Variants in USP33 observed in about 807,000 individuals in gnomAD.
USP33 encodes ubiquitin specific peptidase 33.
Under a neutral mutation model 124.2 loss-of-function variants are expected in USP33, and 46 were observed. That is an observed-to-expected ratio of 0.37 (90% CI 0.29 to 0.47). The LOEUF (loss-of-function observed/expected upper bound fraction) is 0.47, where lower values mean the gene tolerates loss of function less well. USP33 is among the 20% of genes least tolerant of loss of function. The probability of loss-of-function intolerance (pLI) is 0.99; values close to 1 mark genes in which losing one functional copy is unlikely to be tolerated. For missense variants in USP33, 851 were observed against 1,070.6 expected, an observed-to-expected ratio of 0.79 and a Z score of 2.86; for synonymous variants, 350 against 352.3, an observed-to-expected ratio of 0.99 and a Z score of 0.07.
Position 77,728,499 on chromosome 1 carries a change from C to T in USP33, c.931G>A (p.Asp311Asn), listed in dbSNP as rs1484824549. 1 of 1,614,072 alleles carries T rather than the reference C, an allele frequency of 6.2e-7. No individual in the cohort carries two copies. Among genetic ancestry groups the T allele is most frequent in the South Asian group, 1.1e-5 (1 of 91,082 alleles). Residue 311 changes from aspartate to asparagine, a missense_variant, in exon 10 of 24, where the codon GAT (aspartate) becomes AAT (asparagine). Physicochemically the swap from Asp to Asn is conservative, Grantham distance 23 (BLOSUM62 1). Around this residue, in one of 4 missense-constraint regions of USP33, gnomAD observed 207 missense variants for 200.9 expected, o/e 1.03. Coordinates refer to ENST00000370794, the MANE Select transcript of USP33 (RefSeq NM_201624.3). ...ATTAACATTGTTGTTTCATTATTAT[C>T]TTCAGAAAAGCATCTAGAGCCATTT... The part of the protein sequence containing the change: ...NENGSRCFSE[D>N]NNETTMLIQD...
At chr1:77,743,833 T>C (rs1378625821) in intron 1 of USP33, among the ~76,000 whole-genome samples, 1 of 152,126 alleles carries the variant, frequency 6.6e-6, no homozygotes, top group Admixed American at 6.5e-5. Flanking sequence ...GTTCTGTCTT[T>C]AAAAAGTTCA....
intron 1 of USP33, 22 bp from the exon 2 acceptor site, chr1:77,741,770 CA>C (rs1557862838): frequency 2.0e-6 from 3 of 1,500,070 alleles, no homozygotes; most frequent in East Asian, 2.4e-5. Context: ...GTAACACACA[CA>C]AAAAAATTAA....
intron 21 of USP33, among the ~76,000 whole-genome samples, chr1:77,709,288 C>T (rs1027996271): frequency 3.9e-5 from 6 of 152,072 alleles, no homozygotes; most frequent in African/African-American, 1.2e-4. Context: ...GCAGGAAAAT[C>T]ACTTGAGGCC....
chr1:77,747,067 C>A (rs1679814384), intron 1 of USP33, among the ~76,000 whole-genome samples: 1 of 151,988 alleles, frequency 6.6e-6, no homozygotes, highest in African/African-American at 2.4e-5. Context: ...TAAAATTAAT[C>A]CTCTATCCTC....
At chr1:77,708,323 C>G (rs1052873062) in intron 21 of USP33, among the ~76,000 whole-genome samples, 2 of 152,184 alleles carry the variant, frequency 1.3e-5, no homozygotes, top group Admixed American at 1.3e-4. Flanking sequence ...ATTTTCCCCT[C>G]TGGTGGCAGC....
At chr1:77,720,949 T>A (rs1186298444) in intron 15 of USP33, among the ~76,000 whole-genome samples, 2 of 152,184 alleles carry the variant, frequency 1.3e-5, no homozygotes, top group African/African-American at 4.8e-5. Flanking sequence ...ACAGATTTCA[T>A]CCCTCAAAAT....
chr1:77,710,636 G>C (rs1289098635), intron 21 of USP33, among the ~76,000 whole-genome samples: 8 of 152,154 alleles, frequency 5.3e-5, no homozygotes, highest in Non-Finnish European at 1.0e-4. Context: ...AATCAATGAG[G>C]AAAAGCAGGT....
chr1:77,759,578 C>CCGGA (rs1681134504), intron 1 of USP33, 65 bp downstream of exon 1: 1 of 398,052 alleles, frequency 2.5e-6, no homozygotes, highest in Non-Finnish European at 4.4e-6. Context: ...AGAACAGAGA[C>CCGGA]CGGACCCCGG....
At chr1:77,698,953 A>G (rs936358327) in intron 22 of USP33, among the ~76,000 whole-genome samples, 1 of 152,222 alleles carries the variant, frequency 6.6e-6, no homozygotes, top group Non-Finnish European at 1.5e-5. Context: ...AAAGCATTAT[A>G]AAAGAAACCG....
At position 77,718,162 on chromosome 1, in the gene USP33, C is replaced by T. The variant is rs561697316; in HGVS notation, c.1738-115G>A. On this transcript the variant is annotated intron_variant, in intron 16 of 23. Coordinates refer to ENST00000370794, the MANE Select transcript of USP33 (RefSeq NM_201624.3). ...CAAGCAAGAAACTGAGGTGTTCAATCAAATTACAATTATGAAGTTATTTAG... is the reference window on the plus strand; with the variant it reads ...CAAGCAAGAAACTGAGGTGTTCAATTAAATTACAATTATGAAGTTATTTAG... 3 of 879,568 alleles carry T rather than the reference C, an allele frequency of 3.4e-6. No homozygotes were observed. The Admixed American group carries it at 9.1e-5, about 27-fold the overall frequency. 54.5% of individuals were successfully genotyped at this position (879,568 alleles called of 1,614,324 possible).
chr1:77,740,976 T>A (rs1276044016), intron 3 of USP33, 37 bp from the exon 4 acceptor site: 3 of 1,342,266 alleles, frequency 2.2e-6, no homozygotes, highest in Non-Finnish European at 3.1e-6. Flanking sequence ...ATAAGGTACT[T>A]TATAATATAC....
In USP33 at chr1:77,749,890, T is replaced by A. The variant is rs147181870; in HGVS notation, c.-51-8142A>T. Reference sequence around the variant, plus strand: ...GAAAAGAAACTTCCAAGATAAATATTTTTTTCTAAAATCTCAAGCAAAAAA... The same window carrying A: ...GAAAAGAAACTTCCAAGATAAATATATTTTTCTAAAATCTCAAGCAAAAAA... On this transcript the variant is annotated intron_variant, in intron 1 of 23. Coordinates refer to ENST00000370794, the MANE Select transcript of USP33 (RefSeq NM_201624.3). Among the ~76,000 whole-genome samples, 222 of 152,230 alleles carry A rather than the reference T, an allele frequency of 1.5e-3. 2 individuals are homozygous for A. The highest frequency in any genetic ancestry group is 5.1e-3 in the African/African-American group (212 of 41,552).
rs1677399890 is a variant in USP33 at position 77,728,372 on chromosome 1, T to A, written c.1058A>T (p.Asp353Val). Residue 353 changes from aspartate (D) to valine (V), a missense_variant, in exon 10 of 24, where the codon GAT becomes GTT. Physicochemically the swap from Asp to Val is radical, Grantham distance 152. Coordinates refer to ENST00000370794, the MANE Select transcript of USP33 (RefSeq NM_201624.3). Reference sequence around the variant, plus strand: ...GACTGTTTCAGATATAGAGTCTCTATCTTTATCAAATTCGCCTTCAGAATT... The same window carrying A: ...GACTGTTTCAGATATAGAGTCTCTAACTTTATCAAATTCGCCTTCAGAATT... ...KVNSEGEFDKDRDSISETVDL... is the reference protein window; with the variant it reads ...KVNSEGEFDKVRDSISETVDL... The A allele has an allele frequency of 6.2e-7, 1 of 1,613,846 alleles. No individual in the cohort carries two copies. The highest frequency in any genetic ancestry group is 1.3e-5 in the African/African-American group (1 of 74,936).
intron 13 of USP33, 33 bp from the exon 14 acceptor site, chr1:77,721,958 G>A (rs1437939984): frequency 5.6e-6 from 9 of 1,603,190 alleles, no homozygotes; most frequent in East Asian, 2.2e-5. Flanking sequence ...AAAAGGAAGT[G>A]TTCTGCCAGT....
intron 16 of USP33, 78 bp downstream of exon 16, chr1:77,718,518 T>C (rs1220940035): frequency 5.2e-6 from 6 of 1,149,350 alleles, no homozygotes; most frequent in Non-Finnish European, 7.7e-6. Flanking sequence ...GCAAAGAGAA[T>C]TTATTACTAC....
chr1:77,735,631 G>A (rs1005520959), intron 6 of USP33, among the ~76,000 whole-genome samples: 2 of 152,144 alleles, frequency 1.3e-5, no homozygotes, highest in African/African-American at 4.8e-5. Context: ...AAAAGAATAT[G>A]AAAAATCCAA....
intron 17 of USP33, among the ~76,000 whole-genome samples, chr1:77,716,873 T>C (rs902388028): frequency 8.6e-5 from 13 of 151,746 alleles, no homozygotes; most frequent in Non-Finnish European, 1.8e-4. Flanking sequence ...TTTTTCTTTT[T>C]TTTTTTTTTG....
At chr1:77,732,721 A>G (rs1475309207) in intron 7 of USP33, among the ~76,000 whole-genome samples, 6 of 151,420 alleles carry the variant, frequency 4.0e-5, no homozygotes, top group Non-Finnish European at 7.4e-5. Flanking sequence ...TCTGCTAGGA[A>G]TGCTCTCCCC....
At chr1:77,710,568 T>G (rs1675131234) in intron 21 of USP33, among the ~76,000 whole-genome samples, 1 of 152,206 alleles carries the variant, frequency 6.6e-6, no homozygotes, top group Admixed American at 6.5e-5. Context: ...AATCTATACC[T>G]GCATCTTTTT....
Sources: gnomAD v4.1 joint callset for allele counts (sites outside exome capture counted in the v4.1 genomes callset) on GRCh38, gnomAD v4.1.1 for gene constraint, gnomAD v4.1.1 regional missense constraint, MANE v1.5 for transcripts, NCBI Gene and HGNC (gene_info 2026-07-23, HGNC 2026-07-21) for gene names.